Variants in RNF217 observed in about 807,000 individuals in gnomAD.
The protein encoded by RNF217 is ring finger protein 217.
RNF217 carries 31 observed loss-of-function variants against 57.8 expected under a neutral mutation model. That is an observed-to-expected ratio of 0.54 (90% CI 0.40 to 0.72). The LOEUF is 0.72. RNF217 is among the 30% of genes least tolerant of loss of function. RNF217 has a pLI of 0.00. For synonymous variants in RNF217, 313 were observed against 294.0 expected (o/e 1.06, Z -0.66); for missense variants, 696 against 708.3 (o/e 0.98, Z 0.20).
intron 1 of RNF217, among the ~76,000 whole-genome samples, chr6:125,012,894 T>C (rs1172962899): frequency 1.3e-5 from 2 of 152,286 alleles, no homozygotes; most frequent in South Asian, 2.1e-4. Flanking sequence ...ACTCCTTAAA[T>C]TGAAGGTATA....
intron 2 of RNF217, chr6:125,046,545 G>T: frequency 2.2e-6 from 1 of 455,242 alleles, no homozygotes; most frequent in Non-Finnish European, 4.4e-6. Flanking sequence ...GAGAATCTTT[G>T]CAGTAAATGA....
intron 1 of RNF217, among the ~76,000 whole-genome samples, chr6:125,043,016 A>C (rs960847861): frequency 6.6e-6 from 1 of 151,980 alleles, no homozygotes; most frequent in Non-Finnish European, 1.5e-5. Context: ...TGAAAACTGC[A>C]GTTTTCTATT....
intron 1 of RNF217, among the ~76,000 whole-genome samples, chr6:124,984,662 T>A (rs1468112338): frequency 2.6e-5 from 4 of 151,978 alleles, no homozygotes; most frequent in Non-Finnish European, 5.9e-5. Context: ...AATCTCATCA[T>A]ATGGAGAAAT....
At chr6:125,031,181 G>T (rs186490139) in intron 1 of RNF217, among the ~76,000 whole-genome samples, 47 of 152,338 alleles carry the variant, frequency 3.1e-4, no homozygotes, top group African/African-American at 1.1e-3. Context: ...TGGGGACTGT[G>T]GGCCCAGCCC....
chr6:125,021,516 C>T (rs928200448), intron 1 of RNF217, among the ~76,000 whole-genome samples: 1 of 152,068 alleles, frequency 6.6e-6, no homozygotes, highest in Non-Finnish European at 1.5e-5. Flanking sequence ...CTACCCACCT[C>T]GGCCTCCCAA....
At chr6:124,981,247 A>G (rs1034902196) in intron 1 of RNF217, among the ~76,000 whole-genome samples, 1 of 152,230 alleles carries the variant, frequency 6.6e-6, no homozygotes, top group African/African-American at 2.4e-5. Flanking sequence ...TTTACAGGGT[A>G]TTTAACTGGA....
At position 124,963,505 on chromosome 6, in the gene RNF217, T is replaced by A. The variant is rs1184013320; in HGVS notation, c.882+79T>A. On this transcript the variant is annotated intron_variant, in intron 1 of 5. Coordinates refer to ENST00000521654, the MANE Select transcript of RNF217 (RefSeq NM_001286398.3). ...GGTCCTGCTCTCGATCTGATCTCCC[T>A]GCTCGCGCGAAGAGGTGACCGACAC... is the stretch of plus-strand genomic sequence containing the variant. 5 of 1,413,936 alleles carry A rather than the reference T, an allele frequency of 3.5e-6. No individual in the cohort carries two copies. In the African/African-American group the frequency reaches 7.2e-5, roughly 20 times the overall value. 87.6% of individuals were successfully genotyped at this position (1,413,936 alleles called of 1,614,324 possible). A position where few individuals can be genotyped will look rare whatever the true frequency, so the allele number is the denominator to read the frequency against.
At chr6:125,056,050 C>G (rs1426825929) in intron 2 of RNF217, among the ~76,000 whole-genome samples, 1 of 151,936 alleles carries the variant, frequency 6.6e-6, no homozygotes, top group Non-Finnish European at 1.5e-5. Context: ...AAAGAATTTT[C>G]AAAGTTCACC....
chr6:124,968,176 A>G (rs1305471428), intron 1 of RNF217, among the ~76,000 whole-genome samples: 2 of 152,214 alleles, frequency 1.3e-5, no homozygotes, highest in African/African-American at 2.4e-5. Flanking sequence ...GTCTTCACAC[A>G]GGTGAATTTA....
At chr6:124,984,570 G>T (rs1250219885) in intron 1 of RNF217, among the ~76,000 whole-genome samples, 1 of 147,732 alleles carries the variant, frequency 6.8e-6, no homozygotes, top group Non-Finnish European at 1.5e-5. Context: ...AAGAAAGAAA[G>T]AAAATAGAGT....
intron 3 of RNF217, among the ~76,000 whole-genome samples, chr6:125,065,921 C>T (rs1178843708): frequency 6.6e-6 from 1 of 152,160 alleles, no homozygotes; most frequent in African/African-American, 2.4e-5. Flanking sequence ...TAATAGACTT[C>T]TCCAACGCAG....
chr6:125,029,483 A>C (rs1738707158), intron 1 of RNF217, among the ~76,000 whole-genome samples: 1 of 152,208 alleles, frequency 6.6e-6, no homozygotes. Flanking sequence ...GGTAATGAAC[A>C]GACCATTCGT....
At chr6:125,043,137 G>A (rs1786950604) in intron 1 of RNF217, among the ~76,000 whole-genome samples, 1 of 152,000 alleles carries the variant, frequency 6.6e-6, no homozygotes, top group Non-Finnish European at 1.5e-5. Context: ...CTCACACTTT[G>A]TGGTCCAGTC....
chr6:125,059,399 C>T (rs975435980), intron 3 of RNF217, among the ~76,000 whole-genome samples: 5 of 152,058 alleles, frequency 3.3e-5, no homozygotes, highest in Non-Finnish European at 7.4e-5. Context: ...TGAGGCCTTC[C>T]CCCCTTTCTC....
chr6:125,024,047 A>G (rs965608950), intron 1 of RNF217, among the ~76,000 whole-genome samples: 3 of 152,220 alleles, frequency 2.0e-5, no homozygotes, highest in African/African-American at 7.2e-5. Flanking sequence ...TGTATACTTG[A>G]AAATTGCCAA....
At chr6:125,028,952 G>A (rs556943640) in intron 1 of RNF217, among the ~76,000 whole-genome samples, 1 of 152,136 alleles carries the variant, frequency 6.6e-6, no homozygotes, top group African/African-American at 2.4e-5. Context: ...TATCTCAGTT[G>A]TAACATGTGA....
intron 4 of RNF217, among the ~76,000 whole-genome samples, chr6:125,077,961 A>G (rs1048377041): frequency 6.6e-6 from 1 of 152,200 alleles, no homozygotes; most frequent in Non-Finnish European, 1.5e-5. Flanking sequence ...AAGATAGAAC[A>G]TGTATACGCA....
At chr6:124,977,086 T>G (rs1032338895) in intron 1 of RNF217, among the ~76,000 whole-genome samples, 1 of 152,218 alleles carries the variant, frequency 6.6e-6, no homozygotes, top group African/African-American at 2.4e-5. Flanking sequence ...AAACTTGGAA[T>G]CAGAATTTTC....
chr6:125,068,523 T>G (rs1788020988), intron 3 of RNF217, among the ~76,000 whole-genome samples: 1 of 152,192 alleles, frequency 6.6e-6, no homozygotes, highest in Non-Finnish European at 1.5e-5. Flanking sequence ...GTTAGTACAA[T>G]TGATTACTCT....
Sources: gnomAD v4.1 joint callset for allele counts (sites outside exome capture counted in the v4.1 genomes callset) on GRCh38, gnomAD v4.1.1 for gene constraint, MANE v1.5 for transcripts, NCBI Gene and HGNC (gene_info 2026-07-23, HGNC 2026-07-21) for gene names.